The following GRK3 variants were observed in gnomAD, a reference collection of about 807,000 sequenced individuals.
GRK3 encodes the protein adrenergic, beta, receptor kinase 2.
In GRK3, 54 loss-of-function variants were observed where a neutral mutation model predicts 95.7. The ratio of observed to expected loss-of-function variants is 0.56; its 90% CI spans 0.45 to 0.71. The LOEUF (loss-of-function observed/expected upper bound fraction) is 0.71. Ranked by LOEUF, GRK3 falls within the 30% of genes least tolerant of loss-of-function variation. The probability of loss-of-function intolerance (pLI) is 0.00; values close to 1 mark genes in which losing one functional copy is unlikely to be tolerated. For synonymous variants in GRK3, 281 were observed against 290.8 expected (o/e 0.97, Z 0.34); for missense variants, 649 against 851.2 (o/e 0.76, Z 2.96).
At chr22:25,712,663 T>C in intron 17 of GRK3, among the ~76,000 whole-genome samples, 1 of 152,264 alleles carries the variant, frequency 6.6e-6, no homozygotes, top group East Asian at 1.9e-4. Context: ...TTCTGCAACC[T>C]CTCGAGTCTT....
chr22:25,712,302 G>T lies in GRK3; in HGVS notation c.1491+1139G>T, dbSNP rs76582054. 4.7e-3 allele frequency among the ~76,000 whole-genome samples: 712 copies of T among 152,332 alleles called. 4 individuals carry two copies. The highest frequency in any genetic ancestry group is 0.016 in the African/African-American group (681 of 41,574). ...TCTGTGGTCTGGAGCAGTGGCTGGGGTCAGCATTGAGACCGATGCCTAGAC... is the reference window on the plus strand; with the variant it reads ...TCTGTGGTCTGGAGCAGTGGCTGGGTTCAGCATTGAGACCGATGCCTAGAC... On this transcript the variant is annotated intron_variant, in intron 17 of 20. Transcript: ENST00000324198.
intron 2 of GRK3, among the ~76,000 whole-genome samples, chr22:25,635,030 A>G (rs1339716196): frequency 6.6e-6 from 1 of 152,166 alleles, no homozygotes; most frequent in African/African-American, 2.4e-5. Context: ...AGCTTGTCCA[A>G]CTTGCGGCCC....
intron 1 of GRK3, among the ~76,000 whole-genome samples, chr22:25,569,244 G>T (rs1569147255): frequency 6.6e-6 from 1 of 152,176 alleles, no homozygotes; most frequent in African/African-American, 2.4e-5. Context: ...TAGTGTTCTT[G>T]CTTCTTTTTC....
At chr22:25,676,257 T>A (rs1255796302) in intron 8 of GRK3, among the ~76,000 whole-genome samples, 1 of 152,214 alleles carries the variant, frequency 6.6e-6, no homozygotes, top group African/African-American at 2.4e-5. Context: ...AAAAGTTCTT[T>A]CTTATTCTGT....
intron 1 of GRK3, among the ~76,000 whole-genome samples, chr22:25,592,720 G>C (rs1932533311): frequency 6.6e-6 from 1 of 152,250 alleles, no homozygotes; most frequent in Non-Finnish European, 1.5e-5. Flanking sequence ...ATTGTGTGAT[G>C]ATGAGGTTTG....
At chr22:25,603,583 T>C (rs1008485790) in intron 1 of GRK3, among the ~76,000 whole-genome samples, 1 of 152,240 alleles carries the variant, frequency 6.6e-6, no homozygotes, top group Non-Finnish European at 1.5e-5. Flanking sequence ...TGGCTATTAT[T>C]GATCCTGTAT....
rs779292360 is a variant in GRK3 at position 25,725,734 on chromosome 22, CAGG to C, written c.*3287_*3289del. 9.1e-5 allele frequency: 36 copies of C among 397,292 alleles called. No individual in the cohort carries two copies. Among genetic ancestry groups the C allele is most frequent in the Non-Finnish European group, 1.3e-4 (30 of 225,640 alleles). The allele number at this position is 397,292 out of a possible 1,614,324, so 24.6% of individuals were successfully genotyped here. A position where few individuals can be genotyped will look rare whatever the true frequency, so the allele number is the denominator to read the frequency against. On this transcript the variant is annotated 3_prime_UTR_variant, in exon 21 of 21. Coordinates refer to ENST00000324198, the MANE Select transcript of GRK3 (RefSeq NM_005160.4). ...GGCCGAGAGGGGCGGTTCACGAGGTCAGGAGATTGAGACCATCCTGGTTAGCAG... is the reference window on the plus strand; with the variant it reads ...GGCCGAGAGGGGCGGTTCACGAGGTCAGATTGAGACCATCCTGGTTAGCAG...
intron 10 of GRK3, among the ~76,000 whole-genome samples, chr22:25,686,156 A>G (rs1333141860): frequency 1.3e-5 from 2 of 151,636 alleles, no homozygotes; most frequent in African/African-American, 2.4e-5. Context: ...CAGGAGGCGG[A>G]GCTTGCAGTG....
rs1325719239 is a variant in GRK3, at chr22:25,663,649, T to C, written c.386T>C (p.Val129Ala). The C allele has an allele frequency of 1.2e-6, 2 of 1,610,318 alleles. No individual in the cohort carries two copies. ...TGATAGCCTTTCTCAAAGCAAGCTGTAGAACACGTACAAAGTCATTTATCC... is the reference window on the plus strand; with the variant it reads ...TGATAGCCTTTCTCAAAGCAAGCTGCAGAACACGTACAAAGTCATTTATCC... ...SCSHPFSKQAVEHVQSHLSKK... is the reference protein window; with the variant it reads ...SCSHPFSKQAAEHVQSHLSKK... The change falls in exon 5 of 21, where the codon GTA (valine) becomes GCA (alanine). Residue 129 changes from valine to alanine, a missense_variant. Coordinates refer to ENST00000324198, the MANE Select transcript of GRK3 (RefSeq NM_005160.4).
At chr22:25,676,558 A>G (rs1027683252) in intron 8 of GRK3, among the ~76,000 whole-genome samples, 59 of 152,014 alleles carry the variant, frequency 3.9e-4, no homozygotes, top group African/African-American at 1.4e-3. Flanking sequence ...GGGAGTTGTC[A>G]TGGGCGCCTC....
chr22:25,646,848 CTG>C (rs2084786307), intron 3 of GRK3, among the ~76,000 whole-genome samples: 1 of 151,902 alleles, frequency 6.6e-6, no homozygotes, highest in African/African-American at 2.4e-5. Context: ...TGGTGAAACC[CTG>C]TCTCTACTAA....
intron 2 of GRK3, among the ~76,000 whole-genome samples, chr22:25,615,084 G>T (rs1050256754): frequency 6.6e-6 from 1 of 152,134 alleles, no homozygotes; most frequent in Non-Finnish European, 1.5e-5. Context: ...CCTGAGGCAC[G>T]AATTTAAATC....
chr22:25,718,168 CT>C, intron 18 of GRK3, 76 bp from the exon 19 acceptor site: 1 of 1,491,572 alleles, frequency 6.7e-7, no homozygotes, highest in East Asian at 2.3e-5. Flanking sequence ...CATGTCTGTT[CT>C]TTTTTCAGAG....
intron 12 of GRK3, among the ~76,000 whole-genome samples, chr22:25,693,774 C>CTTTTTT (rs542086916): frequency 4.9e-4 from 55 of 112,814 alleles, no homozygotes; most frequent in Non-Finnish European, 8.6e-4. Context: ...GTTAAAAATT[C>CTTTTTT]TTTTTTTTTT....
rs546489163 is a variant in GRK3, at chr22:25,708,674, T to C, written c.1329-1224T>C. Among the ~76,000 whole-genome samples, 262 of 151,962 alleles carry C rather than the reference T, an allele frequency of 1.7e-3. 3 individuals carry two copies. The highest frequency in any genetic ancestry group is 6.0e-3 in the African/African-American group (247 of 41,474). ...GGAGTGTGCAATTTTTTTTTTTTTT[T>C]TCCTGGCAACAGATTCTCACTCTGT... On this transcript the variant is annotated intron_variant, in intron 15 of 20. Transcript: ENST00000324198.
At chr22:25,678,280 C>G (rs1165229192) in intron 8 of GRK3, among the ~76,000 whole-genome samples, 1 of 152,012 alleles carries the variant, frequency 6.6e-6, no homozygotes, top group African/African-American at 2.4e-5. Flanking sequence ...CGGTGAAACC[C>G]CATCTCTACT....
intron 2 of GRK3, among the ~76,000 whole-genome samples, chr22:25,637,241 G>A (rs761655010): frequency 9.9e-5 from 15 of 152,162 alleles, no homozygotes; most frequent in Non-Finnish European, 1.5e-4. Flanking sequence ...TGGTTCTCCT[G>A]GTTGTCAGGT....
intron 13 of GRK3, among the ~76,000 whole-genome samples, chr22:25,698,530 A>T (rs983119451): frequency 2.6e-5 from 4 of 152,174 alleles, no homozygotes; most frequent in Non-Finnish European, 5.9e-5. Flanking sequence ...GGATGACAAT[A>T]CAAAGCCTGG....
At chr22:25,713,662 A>G (rs1240962798) in intron 17 of GRK3, among the ~76,000 whole-genome samples, 2 of 152,246 alleles carry the variant, frequency 1.3e-5, no homozygotes, top group Non-Finnish European at 2.9e-5. Flanking sequence ...TTCTGCTATA[A>G]AAATGTAGTT....
Sources: gnomAD v4.1 joint callset for allele counts (sites outside exome capture counted in the v4.1 genomes callset) on GRCh38, gnomAD v4.1.1 for gene constraint, MANE v1.5 for transcripts, NCBI Gene and HGNC (gene_info 2026-07-23, HGNC 2026-07-21) for gene names.